The following GRM7 variants were observed in gnomAD, a reference collection of about 807,000 sequenced individuals.
GRM7 encodes metabotropic glutamate receptor 7.
GRM7 carries 35 observed loss-of-function variants against 84.5 expected under a neutral mutation model. The ratio of observed to expected loss-of-function variants is 0.41; its 90% CI spans 0.32 to 0.55. GRM7 has a LOEUF of 0.55. GRM7 is among the 20% of genes least tolerant of loss of function. The pLI, the probability that GRM7 is intolerant of heterozygous loss-of-function variation, is 0.19. For missense variants in GRM7, 1,003 were observed against 1,194.6 expected (o/e 0.84, Z 2.36); for synonymous variants, 487 against 455.1 (o/e 1.07, Z -0.89).
intron 7 of GRM7, among the ~76,000 whole-genome samples, chr3:7,502,380 T>C (rs1699910056): frequency 6.6e-6 from 1 of 152,142 alleles, no homozygotes; most frequent in Non-Finnish European, 1.5e-5. Flanking sequence ...CAATACCAGT[T>C]GAAAGTACAC....
At chr3:7,622,663 A>T (rs1172311798) in intron 8 of GRM7, among the ~76,000 whole-genome samples, 1 of 152,080 alleles carries the variant, frequency 6.6e-6, no homozygotes, top group Non-Finnish European at 1.5e-5. Flanking sequence ...TCAGTAAGGG[A>T]GGCAGAACCT....
chr3:7,141,653 G>A (rs1456805832), intron 1 of GRM7, among the ~76,000 whole-genome samples: 1 of 151,592 alleles, frequency 6.6e-6, no homozygotes, highest in Non-Finnish European at 1.5e-5. Flanking sequence ...TATGAAGAGG[G>A]AGTATGCTAC....
chr3:7,111,905 C>A (rs1258266867), intron 1 of GRM7, among the ~76,000 whole-genome samples: 1 of 152,106 alleles, frequency 6.6e-6, no homozygotes, highest in Non-Finnish European at 1.5e-5. Context: ...CCAGCACCCC[C>A]CCACCCTCAG....
chr3:7,493,765 A>T (rs1699606026), intron 7 of GRM7, among the ~76,000 whole-genome samples: 1 of 151,644 alleles, frequency 6.6e-6, no homozygotes, highest in East Asian at 1.9e-4. Context: ...CTTTTATGTC[A>T]TCCTTTGTGT....
At chr3:7,124,396 C>G (rs1468953437) in intron 1 of GRM7, among the ~76,000 whole-genome samples, 1 of 152,088 alleles carries the variant, frequency 6.6e-6, no homozygotes, top group African/African-American at 2.4e-5. Context: ...ATCCCAGATT[C>G]TCAGGAAGTT....
intron 1 of GRM7, among the ~76,000 whole-genome samples, chr3:6,935,992 A>G (rs1212948004): frequency 1.3e-5 from 2 of 152,114 alleles, no homozygotes; most frequent in Non-Finnish European, 2.9e-5. Context: ...TCCAGGTGTG[A>G]GCCACCACTC....
intron 8 of GRM7, among the ~76,000 whole-genome samples, chr3:7,643,146 A>G (rs1336236976): frequency 1.3e-5 from 2 of 152,162 alleles, no homozygotes; most frequent in Non-Finnish European, 2.9e-5. Context: ...TCAGCATCCA[A>G]TTCAAGTCAT....
Position 7,580,877 on chromosome 3 carries a change from A to G in GRM7, c.2451+1520A>G, listed in dbSNP as rs1445783345. Among the ~76,000 whole-genome samples, 6 of 147,678 alleles carry G rather than the reference A, an allele frequency of 4.1e-5. No individual in the cohort carries two copies. In the Admixed American group the frequency reaches 4.1e-4, roughly 10 times the overall value. ...AAAATATGAGTTAGAGTGGTAAAAT[A>G]CAATAGAGAGAAGAAAAAAAAAATC... On this transcript the variant is annotated intron_variant, in intron 8 of 9. Transcript: ENST00000357716.
intron 2 of GRM7, among the ~76,000 whole-genome samples, chr3:7,235,890 C>T (rs1279873773): frequency 6.6e-6 from 1 of 152,174 alleles, no homozygotes; most frequent in East Asian, 1.9e-4. Flanking sequence ...AGCAAAGGTA[C>T]TGTCTTAGTT....
intron 1 of GRM7, among the ~76,000 whole-genome samples, chr3:6,983,231 T>C (rs902319677): frequency 6.6e-6 from 1 of 152,114 alleles, no homozygotes; most frequent in Non-Finnish European, 1.5e-5. Context: ...CTATCCAAGA[T>C]TGTTTGGAGT....
intron 5 of GRM7, among the ~76,000 whole-genome samples, chr3:7,442,413 T>G (rs1447917262): frequency 6.6e-6 from 1 of 152,178 alleles, no homozygotes; most frequent in Non-Finnish European, 1.5e-5. Context: ...CAAACAGAGA[T>G]AGTTTGACTT....
rs74513567 is a variant in GRM7, at chr3:7,457,876, G to A, written c.1376-3707G>A. ...CCAATATCAACTGTCAGACATGAGA[G>A]CCTCGAATTGCCCCAGCTGACATGA... On this transcript the variant is annotated intron_variant, in intron 6 of 9. Coordinates refer to ENST00000357716, the MANE Select transcript of GRM7 (RefSeq NM_000844.4). Among the ~76,000 whole-genome samples, 368 of 152,254 alleles carry A rather than the reference G, an allele frequency of 2.4e-3. 2 individuals are homozygous for A. Among genetic ancestry groups the A allele is most frequent in the Admixed American group, 8.0e-3 (122 of 15,288 alleles).
In GRM7 at chr3:7,336,298, G is replaced by A. The variant is rs1701418242; in HGVS notation, c.1033+29646G>A. Among the ~76,000 whole-genome samples, 2 of 151,794 alleles carry A rather than the reference G, an allele frequency of 1.3e-5. 1 individual carries two copies. Among genetic ancestry groups the A allele is most frequent in the South Asian group, 4.2e-4 (2 of 4,812 alleles). Reference sequence around the variant, plus strand: ...ACAGAATTAAAAACAAAATTCATATGGTCATCTCAATTGCAAAAAAAAAGC... The same window carrying A: ...ACAGAATTAAAAACAAAATTCATATAGTCATCTCAATTGCAAAAAAAAAGC... On this transcript the variant is annotated intron_variant, in intron 4 of 9. Transcript: ENST00000357716.
intron 2 of GRM7, among the ~76,000 whole-genome samples, chr3:7,181,132 G>A (rs181610568): frequency 1.8e-4 from 27 of 152,018 alleles, no homozygotes; most frequent in African/African-American, 3.9e-4. Flanking sequence ...TGCTTTTTCC[G>A]GTTCTTCCCA....
chr3:6,945,188 A>G (rs1698021632), intron 1 of GRM7, among the ~76,000 whole-genome samples: 1 of 151,942 alleles, frequency 6.6e-6, no homozygotes, highest in African/African-American at 2.4e-5. Flanking sequence ...CATTAGTTAT[A>G]TCTCCTAATG....
At chr3:6,968,841 A>G (rs1436056183) in intron 1 of GRM7, among the ~76,000 whole-genome samples, 1 of 152,094 alleles carries the variant, frequency 6.6e-6, no homozygotes, top group Non-Finnish European at 1.5e-5. Context: ...CATTCCATAC[A>G]TTTACCAGAA....
At chr3:7,207,524 G>T (rs1011259735) in intron 2 of GRM7, among the ~76,000 whole-genome samples, 1 of 152,010 alleles carries the variant, frequency 6.6e-6, no homozygotes, top group African/African-American at 2.4e-5. Context: ...ACAGAAACCC[G>T]AATAGCATGA....
At chr3:7,735,532 C>A (rs901843186) in intron 9 of GRM7, among the ~76,000 whole-genome samples, 10 of 152,082 alleles carry the variant, frequency 6.6e-5, no homozygotes, top group Non-Finnish European at 1.2e-4. Context: ...TGAGGTATTT[C>A]TAATGCTCAG....
intron 1 of GRM7, among the ~76,000 whole-genome samples, chr3:7,004,140 T>G (rs1695104558): frequency 6.6e-6 from 1 of 152,196 alleles, no homozygotes; most frequent in Non-Finnish European, 1.5e-5. Context: ...TAAGTCATAC[T>G]CCATCATTTA....
Sources: allele counts gnomAD v4.1 joint callset (sites outside exome capture counted in the v4.1 genomes callset), GRCh38; gene constraint gnomAD v4.1.1; transcripts MANE v1.5; gene names NCBI Gene and HGNC (gene_info 2026-07-23, HGNC 2026-07-21).